CADM2: variants seen among roughly 807,000 people sequenced by gnomAD.
CADM2 encodes cell adhesion molecule 2, also known as immunoglobulin superfamily member 4D.
In CADM2, 12 loss-of-function variants were observed where a neutral mutation model predicts 49.8. The observed-to-expected ratio is 0.24, with a 90% CI of 0.15 to 0.39. The LOEUF (loss-of-function observed/expected upper bound fraction) is 0.39. Among genes scored for constraint, CADM2 ranks in the 10% least tolerant of loss-of-function variants. The pLI, the probability that CADM2 is intolerant of heterozygous loss-of-function variation, is 1.00. For missense variants in CADM2, 378 were observed against 492.3 expected, an observed-to-expected ratio of 0.77 and a Z score of 2.20; for synonymous variants, 214 against 175.4, an observed-to-expected ratio of 1.22 and a Z score of -1.74.
intron 1 of CADM2, among the ~76,000 whole-genome samples, chr3:85,674,680 A>C (rs2107642418): frequency 6.6e-6 from 1 of 152,262 alleles, no homozygotes; most frequent in South Asian, 2.1e-4. Context: ...TGTGAATGAT[A>C]AATATGTCCA....
intron 8 of CADM2, among the ~76,000 whole-genome samples, chr3:86,034,028 C>T (rs1430575798): frequency 6.6e-6 from 1 of 151,588 alleles, no homozygotes; most frequent in African/African-American, 2.4e-5. Context: ...GGAATCCTAA[C>T]CTTAGAAACA....
intron 3 of CADM2, among the ~76,000 whole-genome samples, chr3:85,830,828 T>C (rs2074150328): frequency 6.8e-6 from 1 of 147,878 alleles, no homozygotes; most frequent in Non-Finnish European, 1.5e-5. Flanking sequence ...TTTATTTATT[T>C]ATTTATTTAT....
At chr3:85,231,650 G>T (rs925218824) in intron 1 of CADM2, among the ~76,000 whole-genome samples, 1 of 148,882 alleles carries the variant, frequency 6.7e-6, no homozygotes, top group Admixed American at 6.6e-5. Context: ...TACTTTTTGA[G>T]TCTGGGGCTC....
At chr3:84,978,049 T>C (rs947113595) in intron 1 of CADM2, among the ~76,000 whole-genome samples, 7 of 152,096 alleles carry the variant, frequency 4.6e-5, no homozygotes, top group African/African-American at 7.2e-5. Context: ...ATAGAGTAAA[T>C]TAGAGATGGC....
intron 2 of CADM2, among the ~76,000 whole-genome samples, chr3:85,774,359 C>A (rs2070253496): frequency 6.6e-6 from 1 of 151,520 alleles, no homozygotes; most frequent in Non-Finnish European, 1.5e-5. Flanking sequence ...AAGAAAAAGG[C>A]AATTAATCAC....
chr3:85,559,243 A>T (rs2062031853), intron 1 of CADM2, among the ~76,000 whole-genome samples: 1 of 152,098 alleles, frequency 6.6e-6, no homozygotes, highest in African/African-American at 2.4e-5. Flanking sequence ...TGTTTTATCC[A>T]AATCCTAACT....
At chr3:85,388,879 T>A (rs994331831) in intron 1 of CADM2, among the ~76,000 whole-genome samples, 2 of 152,110 alleles carry the variant, frequency 1.3e-5, no homozygotes, top group African/African-American at 4.8e-5. Flanking sequence ...ATATCTAAGA[T>A]GTGTTAGATA....
intron 1 of CADM2, among the ~76,000 whole-genome samples, chr3:85,239,615 A>G (rs2107832422): frequency 6.6e-6 from 1 of 151,740 alleles, no homozygotes; most frequent in South Asian, 2.1e-4. Context: ...TGCATGGATC[A>G]TTCTATTCTT....
At chr3:85,041,053 G>A (rs1248655177) in intron 1 of CADM2, among the ~76,000 whole-genome samples, 2 of 152,056 alleles carry the variant, frequency 1.3e-5, no homozygotes, top group Non-Finnish European at 2.9e-5. Flanking sequence ...AGACAAATTG[G>A]TTGTATTCTT....
intron 1 of CADM2, among the ~76,000 whole-genome samples, chr3:85,345,270 T>C (rs2326267): frequency 0.87 from 121,792 of 139,268 alleles, 53,269 homozygotes; most frequent in East Asian, 0.95. Context: ...GCTGAGATCA[T>C]GCCATTGCAC....
At position 85,248,602 on chromosome 3, in the gene CADM2, A is replaced by G. The variant is rs377285616; in HGVS notation, c.61+288934A>G. The stretch of plus-strand genomic sequence containing the variant: ...ACATACATATTTATTAATTTAACAA[A>G]TAGGTATTTATTACGTGAATGTTCA... On this transcript the variant is annotated intron_variant, in intron 1 of 9. Coordinates refer to ENST00000383699, the MANE Select transcript of CADM2 (RefSeq NM_001167675.2). 3.3e-5 allele frequency among the ~76,000 whole-genome samples: 5 copies of G among 152,166 alleles called. No homozygotes were observed. The East Asian group carries it at 9.6e-4, about 29-fold the overall frequency.
At chr3:85,243,319 A>G (rs1478651695) in intron 1 of CADM2, among the ~76,000 whole-genome samples, 1 of 151,966 alleles carries the variant, frequency 6.6e-6, no homozygotes, top group African/African-American at 2.4e-5. Context: ...TAGGTATCGT[A>G]TATCTTTTTA....
intron 1 of CADM2, among the ~76,000 whole-genome samples, chr3:85,653,777 G>A (rs1396675766): frequency 6.6e-6 from 1 of 152,072 alleles, no homozygotes; most frequent in African/African-American, 2.4e-5. Flanking sequence ...CTGTACAAGT[G>A]CTGAAACACC....
intron 1 of CADM2, among the ~76,000 whole-genome samples, chr3:85,267,349 C>T (rs1431673615): frequency 6.6e-6 from 1 of 151,576 alleles, no homozygotes; most frequent in African/African-American, 2.4e-5. Context: ...ATGCAAGGCA[C>T]ACTCTTGCTC....
At chr3:85,280,047 T>TA (rs1477021003) in intron 1 of CADM2, among the ~76,000 whole-genome samples, 3 of 151,684 alleles carry the variant, frequency 2.0e-5, no homozygotes, top group Non-Finnish European at 4.4e-5. Flanking sequence ...CCGCCTACAT[T>TA]ATCTATTTTT....
At chr3:85,596,654 AC>A (rs376469999) in intron 1 of CADM2, among the ~76,000 whole-genome samples, 104 of 152,208 alleles carry the variant, frequency 6.8e-4, no homozygotes, top group Non-Finnish European at 1.2e-3. Flanking sequence ...AGCCCAGTTA[AC>A]AAGGCAGATT....
intron 1 of CADM2, among the ~76,000 whole-genome samples, chr3:85,230,191 T>C (rs143686579): frequency 3.7e-4 from 55 of 150,432 alleles, no homozygotes; most frequent in African/African-American, 1.3e-3. Context: ...ATGAAGAATC[T>C]CAGCACAGGC....
At position 85,802,096 on chromosome 3, in the gene CADM2, T is replaced by C. The variant is rs7613828; in HGVS notation, c.138T>C (p.Gly46=). Reference sequence around the variant, plus strand: ...CACAGAATGTAACCGTTGTTGAAGGTGGAACTGCAATTTTGACCTGCAGGG... The same window carrying C: ...CACAGAATGTAACCGTTGTTGAAGGCGGAACTGCAATTTTGACCTGCAGGG... The part of the protein sequence containing the change: ...PLTQNVTVVE[G]GTAILTCRVD... The change falls in exon 3 of 10, where the codon GGT becomes GGC. Residue 46 remains glycine, a synonymous_variant. Transcript: ENST00000383699. The C allele has an allele frequency of 0.017, 27,951 of 1,613,098 alleles. 1,323 individuals carry two copies. Among genetic ancestry groups the C allele is most frequent in the African/African-American group, 0.17 (12,769 of 74,936 alleles).
intron 1 of CADM2, among the ~76,000 whole-genome samples, chr3:85,373,295 T>G (rs539196658): frequency 6.6e-6 from 1 of 152,274 alleles, no homozygotes; most frequent in Non-Finnish European, 1.5e-5. Flanking sequence ...ATCGGAAATT[T>G]AGTGCACCAG....
Sources: allele counts gnomAD v4.1 joint callset (sites outside exome capture counted in the v4.1 genomes callset), GRCh38; gene constraint gnomAD v4.1.1; transcripts MANE v1.5; gene names NCBI Gene and HGNC (gene_info 2026-07-23, HGNC 2026-07-21).